The following SGCG variants were observed in gnomAD, a reference collection of about 807,000 sequenced individuals.
SGCG encodes the protein gamma-sarcoglycan.
In SGCG, 26 loss-of-function variants were observed where a neutral mutation model predicts 29.3. That is an observed-to-expected ratio of 0.89 (90% CI 0.65 to 1.23). The LOEUF is 1.23. SGCG is among the 50% of genes most tolerant of loss of function. The pLI is 0.00. For missense variants in SGCG, 353 were observed against 356.0 expected (o/e 0.99, Z 0.07); for synonymous variants, 145 against 129.7 (o/e 1.12, Z -0.80).
At chr13:23,310,363 G>A (rs1053111276) in intron 6 of SGCG, among the ~76,000 whole-genome samples, 6 of 152,082 alleles carry the variant, frequency 3.9e-5, no homozygotes, top group Non-Finnish European at 5.9e-5. Flanking sequence ...TGGGATTACA[G>A]GCGTGAGCCA....
chr13:23,234,722 T>C lies in SGCG; in HGVS notation c.297+10T>C, dbSNP rs1879245855. The stretch of plus-strand genomic sequence containing the variant: ...AATACACTCCAGAGTGGTAAGAAAA[T>C]GTTAAGACAAATAATTTGTGCTTTA... On this transcript the variant is annotated intron_variant, in intron 3 of 7. Transcript: ENST00000218867. The C allele has an allele frequency of 2.0e-6, 3 of 1,492,154 alleles. No homozygotes were observed. Among genetic ancestry groups the C allele is most frequent in the East Asian group, 2.3e-5 (1 of 44,288 alleles). The allele number at this position is 1,492,154 out of a possible 1,614,324, so 92.4% of individuals were successfully genotyped here.
At chr13:23,265,589 TAAATA>T (rs1283708860) in intron 4 of SGCG, among the ~76,000 whole-genome samples, 2 of 151,498 alleles carry the variant, frequency 1.3e-5, no homozygotes, top group Admixed American at 6.6e-5. Context: ...AAAAAATAAA[TAAATA>T]AAATAAGTAG....
intron 4 of SGCG, among the ~76,000 whole-genome samples, chr13:23,266,073 C>T (rs1195029850): frequency 1.3e-5 from 2 of 151,924 alleles, no homozygotes; most frequent in East Asian, 1.9e-4. Context: ...GTCAGGAGTT[C>T]GAGACCAGCC....
At chr13:23,310,799 AAATT>A (rs1441857833) in intron 6 of SGCG, among the ~76,000 whole-genome samples, 1 of 152,154 alleles carries the variant, frequency 6.6e-6, no homozygotes, top group Non-Finnish European at 1.5e-5. Context: ...GCACAGACAC[AAATT>A]AATACTTGTC....
At chr13:23,207,158 A>T (rs1243306133) in intron 2 of SGCG, among the ~76,000 whole-genome samples, 1 of 152,124 alleles carries the variant, frequency 6.6e-6, no homozygotes, top group African/African-American at 2.4e-5. Flanking sequence ...CCCAGAAAAA[A>T]ATCCATGCAT....
At chr13:23,203,924 G>C in intron 2 of SGCG, 35 bp downstream of exon 2, 1 of 1,446,200 alleles carries the variant, frequency 6.9e-7, no homozygotes, top group Non-Finnish European at 9.7e-7. Flanking sequence ...GCATGTTCTT[G>C]TTTTGTTCAC....
chr13:23,317,146 G>A (rs1270311999), intron 6 of SGCG, among the ~76,000 whole-genome samples: 1 of 151,570 alleles, frequency 6.6e-6, no homozygotes. Flanking sequence ...AGTGAGCCGA[G>A]ACCACACCAC....
At chr13:23,218,763 C>T (rs1372451965) in intron 2 of SGCG, among the ~76,000 whole-genome samples, 1 of 151,704 alleles carries the variant, frequency 6.6e-6, no homozygotes, top group Admixed American at 6.6e-5. Context: ...ACAAATAGAC[C>T]AAGGCATTTG....
At chr13:23,264,343 A>C (rs1044935314) in intron 4 of SGCG, among the ~76,000 whole-genome samples, 2 of 152,166 alleles carry the variant, frequency 1.3e-5, no homozygotes, top group Non-Finnish European at 2.9e-5. Flanking sequence ...GGTTACAAAA[A>C]AAAAATACCG....
At chr13:23,188,682 A>T (rs1457513005) in intron 1 of SGCG, among the ~76,000 whole-genome samples, 1 of 152,070 alleles carries the variant, frequency 6.6e-6, no homozygotes, top group Non-Finnish European at 1.5e-5. Flanking sequence ...GGTATCATGA[A>T]GTTAGTGGAC....
chr13:23,286,223 G>A (rs554163503), intron 5 of SGCG, among the ~76,000 whole-genome samples: 1 of 152,126 alleles, frequency 6.6e-6, no homozygotes, highest in Non-Finnish European at 1.5e-5. Flanking sequence ...ACCATTACAG[G>A]ACAGTATACA....
At chr13:23,266,409 G>A (rs1364598934) in intron 4 of SGCG, among the ~76,000 whole-genome samples, 1 of 152,114 alleles carries the variant, frequency 6.6e-6, no homozygotes, top group East Asian at 1.9e-4. Context: ...GGATGGAATT[G>A]GAGGCCATTA....
At chr13:23,179,060 T>G, upstream of SGCG, among the ~76,000 whole-genome samples, 1 of 152,230 alleles carries the variant, frequency 6.6e-6, no homozygotes, top group Admixed American at 6.5e-5. Context: ...CAAAGTCACT[T>G]CTACCCATAG....
chr13:23,238,684 A>G (rs1450468699), intron 3 of SGCG, among the ~76,000 whole-genome samples: 3 of 152,226 alleles, frequency 2.0e-5, no homozygotes, highest in Admixed American at 6.5e-5. Context: ...CTAAAAAACT[A>G]CATTTCATCT....
At chr13:23,170,890 T>C in the SGCG span, among the ~76,000 whole-genome samples, 12 of 152,310 alleles carry the variant, frequency 7.9e-5, no homozygotes, top group African/African-American at 2.9e-4. Flanking sequence ...CCCCTGTGTG[T>C]GGTCAAGCCT....
chr13:23,202,623 C>T (rs1234347166), intron 1 of SGCG, among the ~76,000 whole-genome samples: 1 of 152,160 alleles, frequency 6.6e-6, no homozygotes, highest in African/African-American at 2.4e-5. Context: ...ATAATGTTGG[C>T]TGTCAGTCCT....
chr13:23,319,023 G>C (rs1327964446), intron 6 of SGCG, among the ~76,000 whole-genome samples: 1 of 152,192 alleles, frequency 6.6e-6, no homozygotes, highest in East Asian at 1.9e-4. Context: ...ACTGGGGCCA[G>C]GCGTGGTGGC....
chr13:23,292,232 C>T (rs1186701392), intron 5 of SGCG, among the ~76,000 whole-genome samples: 4 of 151,944 alleles, frequency 2.6e-5, no homozygotes, highest in African/African-American at 9.7e-5. Context: ...GCCTCAGCCT[C>T]CAGAATAGCT....
At chr13:23,224,681 C>CACACACA (rs1555236925) in intron 2 of SGCG, among the ~76,000 whole-genome samples, 4 of 119,622 alleles carry the variant, frequency 3.3e-5, no homozygotes, top group Admixed American at 2.5e-4. Flanking sequence ...CACACACACA[C>CACACACA]CCCACACCAG....
Sources: gnomAD v4.1 joint callset for allele counts (sites outside exome capture counted in the v4.1 genomes callset) on GRCh38, gnomAD v4.1.1 for gene constraint, MANE v1.5 for transcripts, NCBI Gene and HGNC (gene_info 2026-07-23, HGNC 2026-07-21) for gene names.